ANKRD36: variants seen among roughly 807,000 people sequenced by gnomAD.
ANKRD36 encodes ankyrin repeat domain 36, also known as ankyrin repeat domain-containing protein 36A.
ANKRD36 carries 179 observed loss-of-function variants against 278.1 expected under a neutral mutation model. That is an observed-to-expected ratio of 0.64 (90% CI 0.57 to 0.73). The LOEUF (loss-of-function observed/expected upper bound fraction) is 0.73, where lower values mean the gene tolerates loss of function less well. ANKRD36 is among the 30% of genes least tolerant of loss of function. The pLI, the probability that ANKRD36 is intolerant of heterozygous loss-of-function variation, is 0.00. For synonymous variants in ANKRD36, 320 were observed against 641.1 expected (o/e 0.50, Z 7.57); for missense variants, 1,159 against 1,956.7 (o/e 0.59, Z 7.69).
intron 72 of ANKRD36, chr2:97,248,905 CA>C (rs2075670584): frequency 2.3e-6 from 1 of 426,172 alleles, no homozygotes. Flanking sequence ...CTCGGCCCTG[CA>C]ATTACAGCAC....
At chr2:97,260,405 T>C (rs1224624915) in intron 75 of ANKRD36, among the ~76,000 whole-genome samples, 4 of 128,346 alleles carry the variant, frequency 3.1e-5, no homozygotes, top group African/African-American at 8.9e-5. Flanking sequence ...TACACACACA[T>C]ACACATATAC....
At chr2:97,157,467 C>T (rs1268619691) in intron 15 of ANKRD36, among the ~76,000 whole-genome samples, 1 of 121,302 alleles carries the variant, frequency 8.2e-6, no homozygotes, top group Non-Finnish European at 1.7e-5. Context: ...TTTCATTTCA[C>T]CTCTGTTTCT....
chr2:97,120,975 T>C (rs943712998), intron 3 of ANKRD36, among the ~76,000 whole-genome samples: 6 of 151,968 alleles, frequency 3.9e-5, no homozygotes, highest in African/African-American at 1.2e-4. Context: ...CTATGAGGCA[T>C]GTGGTCTCCA....
chr2:97,191,120 T>G lies in ANKRD36; in HGVS notation c.2286T>G (p.Asp762Glu). Reference protein sequence around the residue: ...QKQPALKATTDEKDSVSNIAT... With the variant: ...QKQPALKATTEEKDSVSNIAT... The stretch of plus-strand genomic sequence containing the variant: ...CAAATTCCATTCAGGCTACAACTGA[T>G]GAGAAAGATTCTGTTTCGAACATAG... The change falls in exon 36 of 76, where the codon GAT becomes GAG. Residue 762 changes from aspartate to glutamate, a missense_variant. Physicochemically the swap from Asp to Glu is conservative, Grantham distance 45 (BLOSUM62 2). Coordinates refer to ENST00000420699, the MANE Select transcript of ANKRD36 (RefSeq NM_001354587.1). The G allele has an allele frequency of 6.3e-7, 1 of 1,597,930 alleles. No individual in the cohort carries two copies. The highest frequency in any genetic ancestry group is 2.0e-4 in the Middle Eastern group (1 of 5,066).
At chr2:97,224,720 G>A (rs1558917379) in intron 66 of ANKRD36, 86 bp from the exon 67 acceptor site, 4 of 641,282 alleles carry the variant, frequency 6.2e-6, no homozygotes, top group Non-Finnish European at 1.0e-5. Context: ...AAAGTGCTGG[G>A]ATTACAGGCG....
At chr2:97,170,645 A>G (rs2052184668) in intron 22 of ANKRD36, among the ~76,000 whole-genome samples, 1 of 151,992 alleles carries the variant, frequency 6.6e-6, no homozygotes, top group Non-Finnish European at 1.5e-5. Flanking sequence ...GGCATGGGCA[A>G]GGACTTCATG....
intron 22 of ANKRD36, among the ~76,000 whole-genome samples, chr2:97,176,304 G>C (rs940538921): frequency 6.7e-5 from 10 of 148,834 alleles, no homozygotes; most frequent in Middle Eastern, 6.7e-3. Flanking sequence ...GAATCTGGGT[G>C]CTCCTGTATT....
intron 14 of ANKRD36, among the ~76,000 whole-genome samples, chr2:97,153,811 A>AGAGGG (rs980172044): frequency 9.5e-5 from 14 of 147,840 alleles, no homozygotes; most frequent in African/African-American, 3.1e-4. Flanking sequence ...TCCCTGCTGA[A>AGAGGG]GAGGGATCCA....
chr2:97,202,155 T>G (rs1373813022), intron 46 of ANKRD36, 47 bp from the exon 47 acceptor site: 1 of 1,606,098 alleles, frequency 6.2e-7, no homozygotes, highest in Non-Finnish European at 8.5e-7. Flanking sequence ...ATGGAAATCT[T>G]TGTCATATTT....
rs189719589 is a variant in ANKRD36, at chr2:97,209,956, G to A, written c.3367+84G>A. 65 of 1,493,234 alleles carry A rather than the reference G, an allele frequency of 4.4e-5. 1 individual carries two copies. The highest frequency in any genetic ancestry group is 3.8e-4 in the East Asian group (15 of 39,360). 92.5% of individuals were successfully genotyped at this position (1,493,234 alleles called of 1,614,324 possible). A position where few individuals can be genotyped will look rare whatever the true frequency, so the allele number is the denominator to read the frequency against. On this transcript the variant is annotated intron_variant, in intron 56 of 75. Coordinates refer to ENST00000420699, the MANE Select transcript of ANKRD36 (RefSeq NM_001354587.1). Reference sequence around the variant, plus strand: ...CCCTGAATAAATCAGCGGAGGGCTCGTTGAAGCTGCACATTCTGATTCAGC... The same window carrying A: ...CCCTGAATAAATCAGCGGAGGGCTCATTGAAGCTGCACATTCTGATTCAGC...
chr2:97,188,600 T>G (rs1231067329), intron 32 of ANKRD36, among the ~76,000 whole-genome samples: 1 of 90,170 alleles, frequency 1.1e-5, no homozygotes. Context: ...ATGTGAAGTA[T>G]ACGTTCAACT....
At position 97,141,765 on chromosome 2, in the gene ANKRD36, A is replaced by G. The variant is rs866057955; in HGVS notation, c.800-875A>G. Reference sequence around the variant, plus strand: ...TAATGAAAATTCTTCAGAGAATAACATGATACTTCAAACCAGACTATTTTA... The same window carrying G: ...TAATGAAAATTCTTCAGAGAATAACGTGATACTTCAAACCAGACTATTTTA... On this transcript the variant is annotated intron_variant, in intron 6 of 75. Coordinates refer to ENST00000420699, the MANE Select transcript of ANKRD36 (RefSeq NM_001354587.1). Among the ~76,000 whole-genome samples, 15 of 151,786 alleles carry G rather than the reference A, an allele frequency of 9.9e-5. No homozygotes were observed. The South Asian group carries it at 1.9e-3, about 19-fold the overall frequency.
rs753848203 is a variant in ANKRD36 at position 97,192,849 on chromosome 2, G to T, written c.2348-9G>T. The T allele has an allele frequency of 6.2e-7, 1 of 1,601,502 alleles. No homozygotes were observed. The highest frequency in any genetic ancestry group is 2.2e-5 in the East Asian group (1 of 44,548). On this transcript the variant is annotated splice_polypyrimidine_tract_variant and intron_variant, in intron 36 of 75. Transcript: ENST00000420699. ...ATATGAGTGATTATGTATCCCTTTT[G>T]CTTTTCAGTGTCTTCTCAGAAACCA...
chr2:97,241,649 GA>G (rs1424421026), intron 69 of ANKRD36, among the ~76,000 whole-genome samples, 170 bp downstream of exon 69: 18 of 15,376 alleles, frequency 1.2e-3, no homozygotes, highest in Admixed American at 7.1e-3. Context: ...TCTTAATTGT[GA>G]ATACTTCTCT....
intron 26 of ANKRD36, among the ~76,000 whole-genome samples, chr2:97,182,995 T>A (rs2056606042): frequency 6.6e-6 from 1 of 151,692 alleles, no homozygotes; most frequent in Non-Finnish European, 1.5e-5. Flanking sequence ...TCATTGTCAT[T>A]GTGTACCTCC....
chr2:97,185,356 C>T lies in ANKRD36; in HGVS notation c.1968+12C>T. ...AACCAGCCTCAAAGGTAATTAAACT[C>T]TCATTTATATTTTGTATTAGTAACT... On this transcript the variant is annotated intron_variant, in intron 29 of 75. Coordinates refer to ENST00000420699, the MANE Select transcript of ANKRD36 (RefSeq NM_001354587.1). 6.2e-7 allele frequency: 1 copy of T among 1,609,900 alleles called. No homozygotes were observed. Among genetic ancestry groups the T allele is most frequent in the East Asian group, 2.2e-5 (1 of 44,660 alleles).
In ANKRD36 at chr2:97,225,990, G is replaced by T. The variant is rs1471922647; in HGVS notation, c.3951+1111G>T. Among the ~76,000 whole-genome samples, 12 of 151,912 alleles carry T rather than the reference G, an allele frequency of 7.9e-5. 2 individuals carry two copies. The East Asian group carries it at 2.4e-3, about 30-fold the overall frequency. ...TTATGGCTGCATAGTATTCCATGGT[G>T]TCTATGTGCCATATTTTCTTAATCC... On this transcript the variant is annotated intron_variant, in intron 67 of 75. Transcript: ENST00000420699.
At chr2:97,205,577 G>A (rs12994584) in intron 50 of ANKRD36, among the ~76,000 whole-genome samples, 89,877 of 151,190 alleles carry the variant, frequency 0.59, 30,435 homozygotes, top group Non-Finnish European at 0.78. Context: ...AAGACATGTG[G>A]GATCATGTAG....
At position 97,202,218 on chromosome 2, in the gene ANKRD36, A is replaced by T. The variant is rs376138909; in HGVS notation, c.2874A>T (p.Pro958=). 1.1e-3 allele frequency: 1,722 copies of T among 1,607,078 alleles called. No homozygotes were observed. Among genetic ancestry groups the T allele is most frequent in the Non-Finnish European group, 1.3e-3 (1,545 of 1,176,274 alleles). The change falls in exon 47 of 76, where the codon CCA becomes CCT. Residue 958 remains proline (P), a synonymous_variant. Transcript: ENST00000420699. ...GCTTTTCAGTGTCTTCTCAGAAACC[A>T]CCAGCCTTGAAGGTAATGAAACTCC... is the stretch of plus-strand genomic sequence containing the variant. ...EISRKVSSQK[P]PALKGTSDEE...
Sources: gnomAD v4.1 joint callset for allele counts (sites outside exome capture counted in the v4.1 genomes callset) on GRCh38, gnomAD v4.1.1 for gene constraint, MANE v1.5 for transcripts, NCBI Gene and HGNC (gene_info 2026-07-23, HGNC 2026-07-21) for gene names.